SLC60A2: variants seen among roughly 807,000 people sequenced by gnomAD.
SLC60A2 encodes the protein solute carrier family 60 member 2.
the SLC60A2 span, chr6:111,267,020 C>A: frequency 5.0e-6 from 8 of 1,613,980 alleles, no homozygotes; most frequent in Admixed American, 1.0e-4. Flanking sequence ...ATAATCAATA[C>A]CCATCAAATG....
the SLC60A2 span, among the ~76,000 whole-genome samples, chr6:111,275,737 A>G: frequency 6.6e-6 from 1 of 152,284 alleles, no homozygotes; most frequent in East Asian, 1.9e-4. Flanking sequence ...AGATTATACG[A>G]TGCTTTTCCA....
At chr6:111,264,923 G>A in the SLC60A2 span, among the ~76,000 whole-genome samples, 11 of 151,716 alleles carry the variant, frequency 7.3e-5, no homozygotes, top group East Asian at 1.9e-4. Context: ...GAGAAACCGC[G>A]TCTCTACTAA....
the SLC60A2 span, chr6:111,268,086 G>T: frequency 6.6e-6 from 1 of 152,202 alleles, no homozygotes; most frequent in African/African-American, 2.4e-5. Flanking sequence ...TTTAAAGTTT[G>T]TGCAAAATGT....
the SLC60A2 span, chr6:111,266,808 C>T: frequency 3.8e-5 from 62 of 1,613,618 alleles, no homozygotes; most frequent in Admixed American, 2.2e-4. Flanking sequence ...TGATCGCCAG[C>T]GAAAAGAAGA....
the SLC60A2 span, among the ~76,000 whole-genome samples, chr6:111,274,838 A>G: frequency 5.9e-5 from 9 of 152,230 alleles, no homozygotes; most frequent in Middle Eastern, 3.4e-3. Context: ...GTCTTGTCTT[A>G]TTCTCTGTTT....
the SLC60A2 span, chr6:111,268,609 G>A: frequency 6.6e-6 from 1 of 152,192 alleles, no homozygotes. Context: ...GGCTGTAGAT[G>A]GGGTCTTTCG....
the SLC60A2 span, chr6:111,259,558 T>C: frequency 1.3e-6 from 1 of 770,484 alleles, no homozygotes; most frequent in Non-Finnish European, 2.0e-6. Context: ...GAGGTGGAGC[T>C]CCGTGGGGCC....
the SLC60A2 span, among the ~76,000 whole-genome samples, chr6:111,274,262 C>T: frequency 2.0e-5 from 3 of 152,048 alleles, no homozygotes; most frequent in Admixed American, 1.3e-4. Context: ...TAATGATTTT[C>T]TTTGTCTCTT....
At chr6:111,269,009 C>T in the SLC60A2 span, 1 of 152,096 alleles carries the variant, frequency 6.6e-6, no homozygotes, top group Admixed American at 6.6e-5. Flanking sequence ...AGTAGGCTTG[C>T]TTTCTCTTAC....
At chr6:111,262,482 C>G in the SLC60A2 span, 1 of 1,509,064 alleles carries the variant, frequency 6.6e-7, no homozygotes, top group African/African-American at 1.4e-5. Flanking sequence ...TACAAGTTGT[C>G]TTTGAAAATA....
At chr6:111,272,370 T>G in the SLC60A2 span, among the ~76,000 whole-genome samples, 1 of 152,226 alleles carries the variant, frequency 6.6e-6, no homozygotes, top group East Asian at 1.9e-4. Context: ...GGATATTAAT[T>G]ATCTCAAGTG....
At chr6:111,264,501 C>T in the SLC60A2 span, among the ~76,000 whole-genome samples, 1 of 151,996 alleles carries the variant, frequency 6.6e-6, no homozygotes, top group Non-Finnish European at 1.5e-5. Context: ...TTAAAACTTA[C>T]TAAATAGGCC....
the SLC60A2 span, chr6:111,259,869 G>A: frequency 6.8e-6 from 4 of 585,846 alleles, no homozygotes; most frequent in Non-Finnish European, 8.3e-6. Context: ...TCTAATCTTG[G>A]AGGAAATAGA....
the SLC60A2 span, chr6:111,266,423 T>G: frequency 1.2e-6 from 2 of 1,614,224 alleles, no homozygotes; most frequent in East Asian, 4.5e-5. Flanking sequence ...TGGCAATCTT[T>G]TTTGCTACCT....
the SLC60A2 span, among the ~76,000 whole-genome samples, chr6:111,263,028 C>T: frequency 1.3e-5 from 2 of 152,126 alleles, no homozygotes; most frequent in Non-Finnish European, 2.9e-5. Flanking sequence ...ACCTCCCCCT[C>T]CTGGGCTCAA....
At chr6:111,272,574 C>T in the SLC60A2 span, among the ~76,000 whole-genome samples, 31 of 148,468 alleles carry the variant, frequency 2.1e-4, no homozygotes, top group East Asian at 3.8e-3. Context: ...TGTAATGGCA[C>T]GATCTCTGCT....
the SLC60A2 span, chr6:111,266,559 A>G: frequency 2.2e-5 from 36 of 1,614,108 alleles, no homozygotes; most frequent in Non-Finnish European, 2.9e-5. Flanking sequence ...TGGGGCTTCA[A>G]TGGCAACCAC....
the SLC60A2 span, chr6:111,263,913 A>T: frequency 6.2e-7 from 1 of 1,608,234 alleles, no homozygotes. Context: ...CATGATGTCT[A>T]TCTTCGGTGT....
At chr6:111,278,204 T>C in the SLC60A2 span, 1 of 152,244 alleles carries the variant, frequency 6.6e-6, no homozygotes, top group African/African-American at 2.4e-5. Context: ...GGTTTCTGAG[T>C]TTGCATTAGA....
Sources: allele counts gnomAD v4.1 joint callset (sites outside exome capture counted in the v4.1 genomes callset), GRCh38; gene constraint gnomAD v4.1.1; transcripts MANE v1.5; gene names NCBI Gene and HGNC (gene_info 2026-07-23, HGNC 2026-07-21).